The following NRG1 variants were observed in gnomAD, a reference collection of about 807,000 sequenced individuals.
NRG1 encodes the protein neuregulin 1.
NRG1 carries 18 observed loss-of-function variants against 63.8 expected under a neutral mutation model. That is an observed-to-expected ratio of 0.28 (90% CI 0.19 to 0.42). The LOEUF is 0.42. Ranked by LOEUF, NRG1 falls within the 10% of genes least tolerant of loss-of-function variation. The pLI is 1.00. For missense variants in NRG1, 762 were observed against 814.7 expected (o/e 0.94, Z 0.79); for synonymous variants, 302 against 301.3 (o/e 1.00, Z -0.02).
chr8:31,666,731 G>A (rs1285122622), intron 1 of NRG1, among the ~76,000 whole-genome samples: 1 of 152,182 alleles, frequency 6.6e-6, no homozygotes, highest in Non-Finnish European at 1.5e-5. Flanking sequence ...GTGGCTAGAT[G>A]AAATTGAATG....
At chr8:32,350,423 A>C (rs1805454545) in intron 1 of NRG1, among the ~76,000 whole-genome samples, 1 of 152,196 alleles carries the variant, frequency 6.6e-6, no homozygotes. Context: ...CATCCAAAGA[A>C]GTGATGACTT....
At chr8:32,100,193 C>A (rs1417713199) in intron 1 of NRG1, among the ~76,000 whole-genome samples, 1 of 151,630 alleles carries the variant, frequency 6.6e-6, no homozygotes, top group Non-Finnish European at 1.5e-5. Flanking sequence ...TCTTAAAAAA[C>A]AAAACAAAAC....
chr8:32,158,447 T>TGATATA (rs1838397349), intron 1 of NRG1, among the ~76,000 whole-genome samples: 1 of 30,272 alleles, frequency 3.3e-5, no homozygotes, highest in Non-Finnish European at 7.1e-5. Context: ...TTGGTTTACA[T>TGATATA]GATATATATA....
intron 1 of NRG1, among the ~76,000 whole-genome samples, chr8:31,657,235 T>G (rs1805515867): frequency 6.6e-6 from 1 of 152,226 alleles, no homozygotes; most frequent in Non-Finnish European, 1.5e-5. Context: ...TTTTCCTAAT[T>G]TTAATACAGT....
At chr8:32,133,572 A>C (rs1172434627) in intron 1 of NRG1, among the ~76,000 whole-genome samples, 1 of 152,128 alleles carries the variant, frequency 6.6e-6, no homozygotes, top group African/African-American at 2.4e-5. Flanking sequence ...ATTCTTTCCT[A>C]AAGGGATAAT....
intron 1 of NRG1, among the ~76,000 whole-genome samples, chr8:32,018,202 C>T (rs1815870066): frequency 6.6e-6 from 1 of 152,144 alleles, no homozygotes; most frequent in Non-Finnish European, 1.5e-5. Context: ...CCCCAATTGT[C>T]CTATTCTTCC....
At chr8:32,621,679 C>T (rs531814910) in intron 5 of NRG1, among the ~76,000 whole-genome samples, 2 of 152,264 alleles carry the variant, frequency 1.3e-5, no homozygotes, top group South Asian at 4.1e-4. Context: ...ATATCTGTTT[C>T]AAATATGAAT....
intron 1 of NRG1, among the ~76,000 whole-genome samples, chr8:31,833,331 A>G (rs1018717369): frequency 6.6e-6 from 1 of 152,242 alleles, no homozygotes; most frequent in Non-Finnish European, 1.5e-5. Context: ...CAAATGTCCT[A>G]TCCTTGTTCA....
chr8:31,891,495 G>A (rs572764297), intron 1 of NRG1, among the ~76,000 whole-genome samples: 4 of 152,122 alleles, frequency 2.6e-5, no homozygotes, highest in African/African-American at 7.2e-5. Context: ...GAGACCAATC[G>A]CTGGCAAAGA....
chr8:32,233,555 ATATATATATTTT>A (rs1469460845), intron 1 of NRG1, among the ~76,000 whole-genome samples: 6 of 71,690 alleles, frequency 8.4e-5, no homozygotes, highest in Non-Finnish European at 1.4e-4. Context: ...ATATATATAT[ATATATATATTTT>A]TTTTTTTTTT....
At chr8:32,298,242 T>TC (rs1467223244) in intron 1 of NRG1, among the ~76,000 whole-genome samples, 2 of 152,236 alleles carry the variant, frequency 1.3e-5, no homozygotes, top group Non-Finnish European at 2.9e-5. Flanking sequence ...AGAAGACATC[T>TC]CCAGTTTGGA....
At chr8:31,652,941 T>G (rs1260657149) in intron 1 of NRG1, among the ~76,000 whole-genome samples, 2 of 91,324 alleles carry the variant, frequency 2.2e-5, no homozygotes, top group Non-Finnish European at 4.4e-5. Context: ...CCTCCTTCCC[T>G]TCCTTCCTCT....
chr8:31,760,726 G>C (rs899381659), intron 1 of NRG1, among the ~76,000 whole-genome samples: 1 of 152,156 alleles, frequency 6.6e-6, no homozygotes, highest in Non-Finnish European at 1.5e-5. Context: ...GGCCATCAGA[G>C]AAATGCAAAT....
intron 1 of NRG1, among the ~76,000 whole-genome samples, chr8:32,380,523 G>A (rs567174875): frequency 4.9e-4 from 74 of 152,178 alleles, no homozygotes; most frequent in Non-Finnish European, 9.7e-4. Flanking sequence ...CCACTTGGAT[G>A]TCCAGAAGAT....
At chr8:32,570,778 C>T (rs1392231742) in intron 1 of NRG1, among the ~76,000 whole-genome samples, 2 of 151,980 alleles carry the variant, frequency 1.3e-5, no homozygotes, top group African/African-American at 4.8e-5. Flanking sequence ...TGTATTGATA[C>T]AAATTATTGA....
rs377526774 is a variant in NRG1, at chr8:31,889,907, C to A, written c.37+250476C>A. On this transcript the variant is annotated intron_variant, in intron 1 of 10. Transcript: ENST00000519301. ...AGGAAAGTGGATCAATCCATGCCAACAACCTATATTAATTAACCTGATAAT... is the reference window on the plus strand; with the variant it reads ...AGGAAAGTGGATCAATCCATGCCAAAAACCTATATTAATTAACCTGATAAT... Among the ~76,000 whole-genome samples, 3 of 152,006 alleles carry A rather than the reference C, an allele frequency of 2.0e-5. No homozygotes were observed. In the East Asian group the frequency reaches 5.8e-4, roughly 29 times the overall value.
intron 1 of NRG1, among the ~76,000 whole-genome samples, chr8:31,930,168 C>T (rs10109320): frequency 0.018 from 2,792 of 152,208 alleles, 91 homozygotes; most frequent in African/African-American, 0.064. Context: ...TGAATAATAT[C>T]GTAGGCAGAA....
At chr8:32,255,179 T>C (rs1333644624) in intron 1 of NRG1, among the ~76,000 whole-genome samples, 1 of 152,244 alleles carries the variant, frequency 6.6e-6, no homozygotes, top group Non-Finnish European at 1.5e-5. Context: ...TTGGGGCATT[T>C]AGCCCATTTA....
intron 1 of NRG1, among the ~76,000 whole-genome samples, chr8:32,230,011 G>A (rs1270664330): frequency 4.6e-5 from 7 of 151,960 alleles, no homozygotes; most frequent in Non-Finnish European, 7.4e-5. Context: ...AGCCAAACAC[G>A]CGCCTAAAAG....
Sources: allele counts gnomAD v4.1 joint callset (sites outside exome capture counted in the v4.1 genomes callset), GRCh38; gene constraint gnomAD v4.1.1; transcripts MANE v1.5; gene names NCBI Gene and HGNC (gene_info 2026-07-23, HGNC 2026-07-21).